The following VPS13B variants were observed in gnomAD, a reference collection of about 807,000 sequenced individuals.
VPS13B encodes vacuolar protein sorting 13 homolog B.
Under a neutral mutation model 426.4 loss-of-function variants are expected in VPS13B, and 285 were observed. The ratio of observed to expected loss-of-function variants is 0.67; its 90% CI spans 0.61 to 0.74. The LOEUF (loss-of-function observed/expected upper bound fraction) is 0.74. Ranked by LOEUF, VPS13B falls within the 30% of genes least tolerant of loss-of-function variation. The pLI is 0.00. For synonymous variants in VPS13B, 1,676 were observed against 1,676.4 expected (o/e 1.00, Z 0.01); for missense variants, 4,537 against 4,782.6 (o/e 0.95, Z 1.51).
At chr8:99,371,701 G>A (rs1298577246) in intron 19 of VPS13B, among the ~76,000 whole-genome samples, 2 of 152,166 alleles carry the variant, frequency 1.3e-5, no homozygotes, top group Non-Finnish European at 2.9e-5. Context: ...TCCTGTCCAT[G>A]AGCATGAAAT....
intron 16 of VPS13B, among the ~76,000 whole-genome samples, chr8:99,191,202 T>C (rs905326846): frequency 2.9e-4 from 44 of 151,956 alleles, no homozygotes; most frequent in African/African-American, 9.4e-4. Flanking sequence ...GTTTTTCTCC[T>C]TAACACTAGT....
At chr8:99,157,274 G>GT (rs201990551) in intron 15 of VPS13B, among the ~76,000 whole-genome samples, 9,717 of 137,484 alleles carry the variant, frequency 0.071, 410 homozygotes, top group African/African-American at 0.13. Context: ...GTGTGTGTGT[G>GT]TTTTTTTTTT....
chr8:99,555,468 C>T (rs1009857699), intron 30 of VPS13B, among the ~76,000 whole-genome samples: 1 of 152,070 alleles, frequency 6.6e-6, no homozygotes, highest in Non-Finnish European at 1.5e-5. Context: ...AAAAATATTT[C>T]TACTAGTAAG....
intron 33 of VPS13B, among the ~76,000 whole-genome samples, chr8:99,640,049 G>GAAGAAGAAGAAGAAGAGAAA (rs1299280170): frequency 2.0e-5 from 2 of 99,722 alleles, no homozygotes; most frequent in African/African-American, 4.2e-5. Context: ...AGAAGAAGAA[G>GAAGAAGAAGAAGAAGAGAAA]AGAAAAGAAA....
At chr8:99,028,495 T>C (rs1195508476) in intron 2 of VPS13B, among the ~76,000 whole-genome samples, 5 of 88,150 alleles carry the variant, frequency 5.7e-5, no homozygotes, top group African/African-American at 9.5e-5. Flanking sequence ...ACCTCCTGGA[T>C]GGGGCGGCTG....
chr8:99,422,838 G>A (rs753499168), intron 21 of VPS13B, among the ~76,000 whole-genome samples: 4 of 151,950 alleles, frequency 2.6e-5, no homozygotes, highest in African/African-American at 7.2e-5. Flanking sequence ...ACAGGCTTAC[G>A]TTTTTACACT....
At chr8:99,346,994 CT>C (rs1335076149) in intron 19 of VPS13B, 1 of 154,158 alleles carries the variant, frequency 6.5e-6, no homozygotes, top group African/African-American at 2.4e-5. Context: ...TTTTCTCCAT[CT>C]TTATTATGTC....
At chr8:99,497,714 G>A (rs1259439822) in intron 25 of VPS13B, among the ~76,000 whole-genome samples, 3 of 151,988 alleles carry the variant, frequency 2.0e-5, no homozygotes, top group African/African-American at 7.2e-5. Context: ...CAGTTTTTCA[G>A]TTATTCAAGT....
At chr8:99,139,078 T>C (rs1393091548) in intron 12 of VPS13B, among the ~76,000 whole-genome samples, 1 of 152,230 alleles carries the variant, frequency 6.6e-6, no homozygotes, top group Non-Finnish European at 1.5e-5. Flanking sequence ...TTATAGTCCT[T>C]AACTTTTAAA....
At chr8:99,642,691 A>G (rs1041432467) in intron 34 of VPS13B, among the ~76,000 whole-genome samples, 193 bp downstream of exon 34, 1 of 152,232 alleles carries the variant, frequency 6.6e-6, no homozygotes, top group African/African-American at 2.4e-5. Context: ...TTAGCTTAGT[A>G]TTCTTACTAT....
At chr8:99,677,404 G>A (rs1165390491) in intron 35 of VPS13B, among the ~76,000 whole-genome samples, 1 of 152,104 alleles carries the variant, frequency 6.6e-6, no homozygotes, top group Non-Finnish European at 1.5e-5. Context: ...CAGTGTCAGT[G>A]CTATATTATC....
rs559438583 is a variant in VPS13B at position 99,477,190 on chromosome 8, T to C, written c.3667-4409T>C. On this transcript the variant is annotated intron_variant, in intron 24 of 61. Transcript: ENST00000357162. Reference sequence around the variant, plus strand: ...GGTCAAAGATACCTATATATTCCTTTTTATTTTCTGGGTATCCTGTCTTAA... The same window carrying C: ...GGTCAAAGATACCTATATATTCCTTCTTATTTTCTGGGTATCCTGTCTTAA... Among the ~76,000 whole-genome samples, 12 of 152,334 alleles carry C rather than the reference T, an allele frequency of 7.9e-5. No individual in the cohort carries two copies. The South Asian group carries it at 2.5e-3, about 32-fold the overall frequency.
At chr8:99,424,996 C>A (rs1472704396) in intron 21 of VPS13B, among the ~76,000 whole-genome samples, 1 of 152,060 alleles carries the variant, frequency 6.6e-6, no homozygotes, top group Non-Finnish European at 1.5e-5. Context: ...ACACATACAC[C>A]CTTCCAAGTC....
chr8:99,640,937 C>G (rs1258127382), intron 33 of VPS13B, among the ~76,000 whole-genome samples: 2 of 151,944 alleles, frequency 1.3e-5, no homozygotes, highest in Non-Finnish European at 2.9e-5. Context: ...TTATGGTTAC[C>G]TTAATAATTC....
At chr8:99,466,274 T>A (rs888072276) in intron 23 of VPS13B, among the ~76,000 whole-genome samples, 1 of 152,150 alleles carries the variant, frequency 6.6e-6, no homozygotes, top group Non-Finnish European at 1.5e-5. Context: ...TATTTTCTTC[T>A]TTATATGTTT....
intron 2 of VPS13B, 119 bp downstream of exon 2, chr8:99,014,054 T>C: frequency 1.6e-6 from 2 of 1,228,388 alleles, no homozygotes; most frequent in Non-Finnish European, 2.3e-6. Flanking sequence ...TGATGTATTT[T>C]GAGCTACCCT....
At chr8:99,221,598 C>T (rs905131314) in intron 17 of VPS13B, among the ~76,000 whole-genome samples, 1 of 152,074 alleles carries the variant, frequency 6.6e-6, no homozygotes, top group Non-Finnish European at 1.5e-5. Flanking sequence ...TTTTTAAATT[C>T]TTTTAGCTAA....
chr8:99,438,120 C>A (rs576428840), intron 22 of VPS13B, among the ~76,000 whole-genome samples: 9 of 143,354 alleles, frequency 6.3e-5, no homozygotes, highest in Middle Eastern at 3.5e-3. Context: ...AATTTCAATA[C>A]CAAGCATTCT....
chr8:99,410,886 C>A (rs1171530358), intron 21 of VPS13B, among the ~76,000 whole-genome samples: 1 of 152,112 alleles, frequency 6.6e-6, no homozygotes, highest in African/African-American at 2.4e-5. Context: ...CTGCAAAGGA[C>A]ATAAACTCAT....
Sources: gnomAD v4.1 joint callset for allele counts (sites outside exome capture counted in the v4.1 genomes callset) on GRCh38, gnomAD v4.1.1 for gene constraint, MANE v1.5 for transcripts, NCBI Gene and HGNC (gene_info 2026-07-23, HGNC 2026-07-21) for gene names.